AHCTF1: variants seen among roughly 807,000 people sequenced by gnomAD.
AHCTF1 encodes the protein protein ELYS.
Under a neutral mutation model 248.4 loss-of-function variants are expected in AHCTF1, and 24 were observed. The observed-to-expected ratio is 0.10, with a 90% CI of 0.07 to 0.14. The LOEUF (loss-of-function observed/expected upper bound fraction) is 0.14, where lower values mean the gene tolerates loss of function less well. Among genes scored for constraint, AHCTF1 ranks in the 10% least tolerant of loss-of-function variants. The pLI, the probability that AHCTF1 is intolerant of heterozygous loss-of-function variation, is 1.00. For missense variants in AHCTF1, 2,206 were observed against 2,636.2 expected, an observed-to-expected ratio of 0.84 and a Z score of 3.57; for synonymous variants, 786 against 929.8, an observed-to-expected ratio of 0.85 and a Z score of 2.81.
chr1:246,865,589 C>T (rs1369883768), intron 26 of AHCTF1, among the ~76,000 whole-genome samples: 1 of 152,180 alleles, frequency 6.6e-6, no homozygotes, highest in Non-Finnish European at 1.5e-5. Flanking sequence ...CACTTTTATA[C>T]TGAGCTATCC....
chr1:246,848,217 G>A (rs989781958), intron 33 of AHCTF1, among the ~76,000 whole-genome samples: 2 of 152,016 alleles, frequency 1.3e-5, no homozygotes, highest in African/African-American at 4.8e-5. Context: ...AGTACAACAA[G>A]TCATCTACTT....
chr1:246,865,769 C>A (rs1359105674), intron 26 of AHCTF1, among the ~76,000 whole-genome samples: 2 of 151,514 alleles, frequency 1.3e-5, no homozygotes, highest in Non-Finnish European at 3.0e-5. Flanking sequence ...TCTGAGAAAT[C>A]TTTTTAAGGT....
At chr1:246,855,274 T>C (rs950391268) in intron 31 of AHCTF1, among the ~76,000 whole-genome samples, 1 of 152,144 alleles carries the variant, frequency 6.6e-6, no homozygotes, top group African/African-American at 2.4e-5. Flanking sequence ...CATCTCTGTA[T>C]AGCCAGGGCC....
intron 7 of AHCTF1, 99 bp downstream of exon 7, chr1:246,903,850 A>AG: frequency 9.5e-7 from 1 of 1,049,426 alleles, no homozygotes; most frequent in East Asian, 2.6e-5. Context: ...AAAAAAAAAA[A>AG]AAAAGAATCA....
chr1:246,920,142 CAAAAAAA>C (rs68194249), intron 1 of AHCTF1, among the ~76,000 whole-genome samples: 48 of 40,802 alleles, frequency 1.2e-3, no homozygotes, highest in African/African-American at 2.1e-3. Context: ...CTGTCCCCCG[CAAAAAAA>C]AAAAAAAAAA....
At chr1:246,899,084 C>T (rs772316562) in intron 11 of AHCTF1, among the ~76,000 whole-genome samples, 7 of 152,052 alleles carry the variant, frequency 4.6e-5, no homozygotes, top group Non-Finnish European at 8.8e-5. Flanking sequence ...AGCGAAACTC[C>T]GTCTCAAAAA....
intron 13 of AHCTF1, among the ~76,000 whole-genome samples, chr1:246,895,327 T>C (rs1286715020): frequency 6.6e-6 from 1 of 152,184 alleles, no homozygotes; most frequent in African/African-American, 2.4e-5. Flanking sequence ...ATTTATGGGC[T>C]ACAAAAGCAT....
intron 3 of AHCTF1, among the ~76,000 whole-genome samples, chr1:246,913,668 TTG>T (rs1322985411): frequency 2.0e-5 from 3 of 152,204 alleles, no homozygotes; most frequent in African/African-American, 4.8e-5. Context: ...ACGCCAGGCA[TTG>T]TGTTACCTGG....
At chr1:246,891,636 GAAAC>G in intron 15 of AHCTF1, 139 bp downstream of exon 15, 10 of 840,638 alleles carry the variant, frequency 1.2e-5, no homozygotes, top group Admixed American at 7.4e-5. Context: ...TTAAAACAAA[GAAAC>G]AAACAAAAAC....
At chr1:246,866,405 A>AAT (rs1661981102) in intron 26 of AHCTF1, among the ~76,000 whole-genome samples, 1 of 152,208 alleles carries the variant, frequency 6.6e-6, no homozygotes, top group Admixed American at 6.5e-5. Context: ...TTCCATTTAA[A>AAT]ATACCATCTT....
At chr1:246,913,122 A>C (rs1348672564) in intron 4 of AHCTF1, 110 bp downstream of exon 4, 2 of 830,594 alleles carry the variant, frequency 2.4e-6, no homozygotes, top group South Asian at 5.0e-5. Flanking sequence ...AGATAGGAAG[A>C]TATCTTTTAT....
chr1:246,903,930 T>G lies in AHCTF1; in HGVS notation c.966+19A>C. On this transcript the variant is annotated intron_variant, in intron 7 of 35. Transcript: ENST00000648844. ...ACAACAAAATGGTAATATAAACCCA[T>G]AGTCCAATGACCATTTACCTCATAT... The G allele has an allele frequency of 6.4e-7, 1 of 1,570,968 alleles. No individual in the cohort carries two copies. Among genetic ancestry groups the G allele is most frequent in the South Asian group, 1.1e-5 (1 of 90,004 alleles).
intron 1 of AHCTF1, chr1:246,931,320 GCCGCCATGTGCCGCCGCTCCT>G (rs1196042127): frequency 1.3e-6 from 2 of 1,545,410 alleles, no homozygotes; most frequent in East Asian, 2.5e-5. Context: ...GCGCCGCTCC[GCCGCCATGTGCCGCCGCTCCT>G]CCGGTCCGAG....
Position 246,921,706 on chromosome 1 carries a change from C to T in AHCTF1, c.-7-3329G>A, listed in dbSNP as rs553089426. ...ATGACTCAACAACAGTAGTAGAAAC[C>T]GCAATTCTGGAATATCTTCAGAAGT... On this transcript the variant is annotated intron_variant, in intron 1 of 35. Transcript: ENST00000648844. Among the ~76,000 whole-genome samples, 36 of 152,228 alleles carry T rather than the reference C, an allele frequency of 2.4e-4. No individual in the cohort carries two copies. In the South Asian group the frequency reaches 6.6e-3, roughly 28 times the overall value.
rs748704163 is a variant in AHCTF1, at chr1:246,860,945, A to G, written c.4086T>C (p.Asp1362=). 7.4e-6 allele frequency: 12 copies of G among 1,613,044 alleles called. No individual in the cohort carries two copies. The highest frequency in any genetic ancestry group is 5.0e-5 in the Admixed American group (3 of 59,974). ...TEQTEKDGDK[D]VFASEVTPSD... is the part of the protein sequence containing the mutation. ...AAGGAGTTACTTCTGATGCAAATAC[A>G]TCTTTATCTCCATCCTTTTCAGTTT... The change falls in exon 29 of 36, where the codon GAT becomes GAC. Residue 1362 remains aspartate (D), a synonymous_variant. Transcript: ENST00000648844.
intron 13 of AHCTF1, among the ~76,000 whole-genome samples, chr1:246,895,389 G>A (rs75099827): frequency 0.026 from 4,014 of 152,254 alleles, 181 homozygotes; most frequent in African/African-American, 0.092. Flanking sequence ...AAATGGTTCT[G>A]AACAGACAAT....
At chr1:246,843,661 C>CT in intron 34 of AHCTF1, 134 bp downstream of exon 34, 1 of 823,430 alleles carries the variant, frequency 1.2e-6, no homozygotes, top group Middle Eastern at 5.1e-4. Flanking sequence ...TGACTGTTAT[C>CT]TTTAAGACAT....
chr1:246,853,953 C>T (rs1660908932), intron 31 of AHCTF1, among the ~76,000 whole-genome samples: 2 of 152,088 alleles, frequency 1.3e-5, no homozygotes, highest in Admixed American at 6.6e-5. Flanking sequence ...TTACAGGCTT[C>T]TCATCAAATA....
chr1:246,915,411 C>T (rs912377853), intron 3 of AHCTF1, among the ~76,000 whole-genome samples: 11 of 152,074 alleles, frequency 7.2e-5, no homozygotes, highest in Admixed American at 2.6e-4. Flanking sequence ...TAAAACCTAA[C>T]GTTTCTGGCC....
Sources: gnomAD v4.1 joint callset for allele counts (sites outside exome capture counted in the v4.1 genomes callset) on GRCh38, gnomAD v4.1.1 for gene constraint, MANE v1.5 for transcripts, NCBI Gene and HGNC (gene_info 2026-07-23, HGNC 2026-07-21) for gene names.